B4GALT1: variants seen among roughly 807,000 people sequenced by gnomAD.
B4GALT1 encodes the protein N-acetyllactosamine synthase.
B4GALT1 carries 16 observed loss-of-function variants against 34.9 expected under a neutral mutation model. The ratio of observed to expected loss-of-function variants is 0.46; its 90% confidence interval spans 0.31 to 0.70. B4GALT1 has a LOEUF of 0.70. Among genes scored for constraint, B4GALT1 ranks in the 30% least tolerant of loss-of-function variants. B4GALT1 has a pLI of 0.05. For missense variants in B4GALT1, 445 were observed against 530.5 expected (o/e 0.84, Z 1.58); for synonymous variants, 221 against 218.1 (o/e 1.01, Z -0.12).
chr9:33,176,830 C>T, the B4GALT1 span, among the ~76,000 whole-genome samples: 1 of 101,636 alleles, frequency 9.8e-6, no homozygotes, highest in South Asian at 3.7e-4. Context: ...CACGTACCCC[C>T]AAATCTAACA....
At chr9:33,159,603 G>T (rs532969749) in intron 1 of B4GALT1, among the ~76,000 whole-genome samples, 1 of 152,286 alleles carries the variant, frequency 6.6e-6, no homozygotes, top group South Asian at 2.1e-4. Context: ...AGCCCCAACT[G>T]AGAACCAGGT....
chr9:33,179,905 C>G, the B4GALT1 span: 1 of 152,212 alleles, frequency 6.6e-6, no homozygotes, highest in African/African-American at 2.4e-5. Flanking sequence ...CTGCATTAAG[C>G]TAAAATCCAT....
At chr9:33,172,430 A>G in the B4GALT1 span, among the ~76,000 whole-genome samples, 3 of 152,178 alleles carry the variant, frequency 2.0e-5, no homozygotes, top group Non-Finnish European at 2.9e-5. Flanking sequence ...GTGACACCAG[A>G]AAGCTCTTTC....
At chr9:33,121,526 C>CT (rs35406954) in intron 2 of B4GALT1, among the ~76,000 whole-genome samples, 5,240 of 130,676 alleles carry the variant, frequency 0.04, 140 homozygotes, top group Non-Finnish European at 0.064. Context: ...CCATGCCCGG[C>CT]TTTTTTTTTT....
At chr9:33,117,441 T>C (rs183400376) in intron 3 of B4GALT1, among the ~76,000 whole-genome samples, 15 of 152,326 alleles carry the variant, frequency 9.8e-5, no homozygotes, top group Admixed American at 9.8e-4. Context: ...AAGTCAGCAC[T>C]GATGAGAAAT....
chr9:33,142,918 G>T (rs761165991), intron 1 of B4GALT1, among the ~76,000 whole-genome samples: 4 of 152,132 alleles, frequency 2.6e-5, no homozygotes, highest in Non-Finnish European at 5.9e-5. Context: ...GCTGAGATGG[G>T]TGGATCACCT....
intron 2 of B4GALT1, among the ~76,000 whole-genome samples, chr9:33,105,253 C>T (rs1437161185): frequency 2.6e-5 from 4 of 152,192 alleles, no homozygotes; most frequent in African/African-American, 9.7e-5. Context: ...GATTCTCCTG[C>T]CTCAGCCTCC....
intron 1 of B4GALT1, among the ~76,000 whole-genome samples, chr9:33,156,038 GAGA>G (rs956535535): frequency 5.3e-5 from 8 of 152,134 alleles, no homozygotes; most frequent in African/African-American, 1.4e-4. Context: ...GCAGTCAAAG[GAGA>G]AGAAGACATA....
upstream of B4GALT1, among the ~76,000 whole-genome samples, chr9:33,168,362 C>T (rs528989264): frequency 3.9e-5 from 6 of 152,338 alleles, no homozygotes; most frequent in Middle Eastern, 3.4e-3. Context: ...CCTGAGTGAG[C>T]AGAGACACCT....
downstream of B4GALT1, among the ~76,000 whole-genome samples, chr9:33,108,306 A>G (rs1839816636): frequency 6.6e-6 from 1 of 152,064 alleles, no homozygotes; most frequent in Non-Finnish European, 1.5e-5. Flanking sequence ...TCTCTAAAAA[A>G]CAAACAAATA....
intron 1 of B4GALT1, among the ~76,000 whole-genome samples, chr9:33,156,320 G>A (rs1028066805): frequency 6.6e-6 from 1 of 152,090 alleles, no homozygotes; most frequent in Non-Finnish European, 1.5e-5. Context: ...TTTTAGTAGA[G>A]ACAAGGTTTC....
At chr9:33,163,711 C>T (rs951332089) in intron 1 of B4GALT1, among the ~76,000 whole-genome samples, 2 of 152,256 alleles carry the variant, frequency 1.3e-5, no homozygotes, top group African/African-American at 4.8e-5. Context: ...TCTCAGCAGG[C>T]AAACACCCAG....
intron 1 of B4GALT1, among the ~76,000 whole-genome samples, chr9:33,150,142 T>C (rs932692748): frequency 1.2e-5 from 1 of 85,922 alleles, no homozygotes; most frequent in Non-Finnish European, 2.4e-5. Flanking sequence ...GATATAGATA[T>C]AGATATATAC....
At chr9:33,123,359 T>C (rs1473850761) in intron 2 of B4GALT1, among the ~76,000 whole-genome samples, 1 of 150,392 alleles carries the variant, frequency 6.6e-6, no homozygotes, top group African/African-American at 2.4e-5. Flanking sequence ...TATTATAATA[T>C]ACTGTGAATA....
the B4GALT1 span, among the ~76,000 whole-genome samples, chr9:33,184,360 T>C: frequency 6.6e-6 from 1 of 151,796 alleles, no homozygotes; most frequent in Non-Finnish European, 1.5e-5. Context: ...TGAGAACATA[T>C]ACCCAAGGAT....
the B4GALT1 span, among the ~76,000 whole-genome samples, chr9:33,177,132 G>A: frequency 4.6e-5 from 7 of 152,020 alleles, no homozygotes; most frequent in Admixed American, 2.0e-4. Context: ...CTTTTTCACA[G>A]GCAGCCAAAG....
At chr9:33,182,588 T>C in the B4GALT1 span, among the ~76,000 whole-genome samples, 3 of 152,282 alleles carry the variant, frequency 2.0e-5, no homozygotes, top group Admixed American at 6.5e-5. Context: ...ATAAGCTGAT[T>C]TGAAGTAACA....
the B4GALT1 span, among the ~76,000 whole-genome samples, chr9:33,184,253 T>TACACACACACACACACACACACAC: frequency 2.7e-5 from 4 of 147,114 alleles, no homozygotes; most frequent in South Asian, 4.3e-4. Context: ...GTCACTCTTG[T>TACACACACACACACACACACACAC]ACACACACAC....
upstream of B4GALT1, among the ~76,000 whole-genome samples, chr9:33,169,554 T>C (rs1177029422): frequency 6.6e-6 from 1 of 151,824 alleles, no homozygotes; most frequent in Non-Finnish European, 1.5e-5. Flanking sequence ...AAGTCTTGCT[T>C]TTGTCCCCCA....
Sources: allele counts gnomAD v4.1 joint callset (sites outside exome capture counted in the v4.1 genomes callset), GRCh38; gene constraint gnomAD v4.1.1; transcripts MANE v1.5; gene names NCBI Gene and HGNC (gene_info 2026-07-23, HGNC 2026-07-21).